SLC44A1: variants seen among roughly 807,000 people sequenced by gnomAD.
The protein encoded by SLC44A1 is choline transporter-like protein 1.
SLC44A1 carries 26 observed loss-of-function variants against 79.3 expected under a neutral mutation model. The ratio of observed to expected loss-of-function variants is 0.33; its 90% confidence interval spans 0.24 to 0.46. SLC44A1 has a LOEUF of 0.46. SLC44A1 is among the 20% of genes least tolerant of loss of function. The pLI, the probability that SLC44A1 is intolerant of heterozygous loss-of-function variation, is 1.00. For missense variants in SLC44A1, 688 were observed against 798.1 expected, an observed-to-expected ratio of 0.86 and a Z score of 1.66; for synonymous variants, 263 against 286.2, an observed-to-expected ratio of 0.92 and a Z score of 0.82.
chr9:105,380,421 GTCC>G (rs1296149183), intron 13 of SLC44A1, among the ~76,000 whole-genome samples: 4 of 151,948 alleles, frequency 2.6e-5, no homozygotes, highest in African/African-American at 7.3e-5. Flanking sequence ...GGCTCAAGCA[GTCC>G]TCCTGCCTCA....
rs531022068 is a variant in SLC44A1 at position 105,309,628 on chromosome 9, C to G, written c.127-96C>G. The G allele has an allele frequency of 6.0e-4, 668 of 1,114,870 alleles. 3 individuals carry two copies. In the South Asian group the frequency reaches 8.9e-3, roughly 15 times the overall value. The allele number at this position is 1,114,870 out of a possible 1,614,324, so 69.1% of individuals were successfully genotyped here. ...GTAAGAAAAGATAGCTCTTTGTTCC[C>G]TTCAGCAGACAAAAAGAAGCTCATT... On this transcript the variant is annotated intron_variant, in intron 2 of 15. Transcript: ENST00000374720.
intron 3 of SLC44A1, among the ~76,000 whole-genome samples, chr9:105,324,158 C>T (rs760018141): frequency 1.3e-5 from 2 of 151,914 alleles, no homozygotes; most frequent in African/African-American, 2.4e-5. Context: ...CCCGCCACCA[C>T]GCCCGGCTAA....
chr9:105,280,937 A>G (rs923594110), intron 1 of SLC44A1, among the ~76,000 whole-genome samples: 2 of 152,232 alleles, frequency 1.3e-5, no homozygotes, highest in African/African-American at 4.8e-5. Flanking sequence ...AGATCACTGC[A>G]GCACACAAAT....
chr9:105,423,541 A>G (rs1218088849), intron 15 of SLC44A1, among the ~76,000 whole-genome samples: 1 of 152,220 alleles, frequency 6.6e-6, no homozygotes, highest in Non-Finnish European at 1.5e-5. Flanking sequence ...AATTAAGGAC[A>G]TGTGAAAAGA....
intron 15 of SLC44A1, among the ~76,000 whole-genome samples, chr9:105,426,914 C>G (rs945449410): frequency 6.6e-6 from 1 of 151,080 alleles, no homozygotes; most frequent in Non-Finnish European, 1.5e-5. Context: ...TAAATAATTC[C>G]TATCTTCTGT....
chr9:105,341,664 A>G (rs1827096650), intron 4 of SLC44A1, among the ~76,000 whole-genome samples: 1 of 152,186 alleles, frequency 6.6e-6, no homozygotes, highest in African/African-American at 2.4e-5. Context: ...GTAGATATCC[A>G]TAAATGTTTT....
At chr9:105,374,811 T>C in intron 13 of SLC44A1, 76 bp downstream of exon 13, 2 of 1,237,054 alleles carry the variant, frequency 1.6e-6, no homozygotes, top group Non-Finnish European at 2.3e-6. Context: ...TTTAAAAATA[T>C]TCAGGCCACC....
At chr9:105,380,333 A>G (rs1828423102) in intron 13 of SLC44A1, among the ~76,000 whole-genome samples, 1 of 152,112 alleles carries the variant, frequency 6.6e-6, no homozygotes, top group South Asian at 2.1e-4. Context: ...TTTATCCTCT[A>G]GAACAGGAAC....
chr9:105,271,528 A>G (rs1418640873), intron 1 of SLC44A1, among the ~76,000 whole-genome samples: 2 of 152,228 alleles, frequency 1.3e-5, no homozygotes, highest in African/African-American at 2.4e-5. Context: ...TGAAATGTGT[A>G]ATGTGTTTGG....
Position 105,390,652 on chromosome 9 carries a change from T to A in SLC44A1, c.*1596T>A. Reference sequence around the variant, plus strand: ...AATTGCTGCAAAAGGTAAATTGTATTTTTTTTTAAGTATTGGTGTTCTTTA... The same window carrying A: ...AATTGCTGCAAAAGGTAAATTGTATATTTTTTTAAGTATTGGTGTTCTTTA... On this transcript the variant is annotated 3_prime_UTR_variant, in exon 16 of 16. Transcript: ENST00000374720. 1 of 985,442 alleles carries A rather than the reference T, an allele frequency of 1.0e-6. No homozygotes were observed. The highest frequency in any genetic ancestry group is 1.2e-6 in the Non-Finnish European group (1 of 829,756). 61.0% of individuals were successfully genotyped at this position (985,442 alleles called of 1,614,324 possible). A position where few individuals can be genotyped will look rare whatever the true frequency, so the allele number is the denominator to read the frequency against.
At position 105,391,718 on chromosome 9, in the gene SLC44A1, TATTCG is replaced by T; in HGVS notation, c.*2663_*2667del. The T allele has an allele frequency of 1.0e-6, 1 of 985,386 alleles. No homozygotes were observed. The highest frequency in any genetic ancestry group is 1.7e-5 in the African/African-American group (1 of 57,376). 61.0% of individuals were successfully genotyped at this position (985,386 alleles called of 1,614,324 possible). A position where few individuals can be genotyped will look rare whatever the true frequency, so the allele number is the denominator to read the frequency against. On this transcript the variant is annotated 3_prime_UTR_variant, in exon 16 of 16. Coordinates refer to ENST00000374720, the MANE Select transcript of SLC44A1 (RefSeq NM_080546.5). The stretch of plus-strand genomic sequence containing the variant: ...AGCTAGCTATGGGCTGCCTTATTGC[TATTCG>T]CTCACTGCTTCCATCTTCTGCCCAA...
At chr9:105,272,655 A>G (rs955385354) in intron 1 of SLC44A1, among the ~76,000 whole-genome samples, 2 of 151,976 alleles carry the variant, frequency 1.3e-5, no homozygotes, top group African/African-American at 4.8e-5. Context: ...CTAGTAAGCA[A>G]ATGAGTTGGA....
At chr9:105,280,169 G>A (rs1398978757) in intron 1 of SLC44A1, among the ~76,000 whole-genome samples, 1 of 152,154 alleles carries the variant, frequency 6.6e-6, no homozygotes, top group African/African-American at 2.4e-5. Flanking sequence ...ATGATTCTAA[G>A]CAAGAAGCAT....
intron 1 of SLC44A1, among the ~76,000 whole-genome samples, chr9:105,278,227 A>AT (rs112367294): frequency 4.0e-5 from 6 of 150,292 alleles, no homozygotes; most frequent in East Asian, 2.0e-4. Context: ...CGCCTGGCTA[A>AT]TTTTTTTTTC....
chr9:105,283,882 A>G (rs1340208666), intron 1 of SLC44A1, among the ~76,000 whole-genome samples: 2 of 152,136 alleles, frequency 1.3e-5, no homozygotes, highest in African/African-American at 4.8e-5. Context: ...CCACTTGTCA[A>G]CCTGTGGAAG....
intron 1 of SLC44A1, among the ~76,000 whole-genome samples, chr9:105,295,002 A>G (rs1005337443): frequency 6.6e-6 from 1 of 151,288 alleles, no homozygotes; most frequent in Non-Finnish European, 1.5e-5. Flanking sequence ...TGAGAAAGGC[A>G]TTCTTCATCT....
intron 4 of SLC44A1, among the ~76,000 whole-genome samples, chr9:105,344,523 A>G (rs1381152288): frequency 6.6e-6 from 1 of 152,218 alleles, no homozygotes; most frequent in Non-Finnish European, 1.5e-5. Context: ...ATGTCGTAAT[A>G]CCAAGATTGA....
intron 1 of SLC44A1, among the ~76,000 whole-genome samples, chr9:105,247,039 G>C (rs1393229021): frequency 6.6e-6 from 1 of 151,326 alleles, no homozygotes; most frequent in African/African-American, 2.4e-5. Flanking sequence ...TTAGGGACTT[G>C]TAGTGTTCAG....
chr9:105,434,368 A>T (rs79185214), intron 15 of SLC44A1, among the ~76,000 whole-genome samples: 6,241 of 152,228 alleles, frequency 0.041, 410 homozygotes, highest in African/African-American at 0.14. Context: ...AATAGTTTGC[A>T]ATTTAAAAGA....
Sources: allele counts gnomAD v4.1 joint callset (sites outside exome capture counted in the v4.1 genomes callset), GRCh38; gene constraint gnomAD v4.1.1; transcripts MANE v1.5; gene names NCBI Gene and HGNC (gene_info 2026-07-23, HGNC 2026-07-21).